MAP3K5: variants seen among roughly 807,000 people sequenced by gnomAD.
MAP3K5 encodes mitogen-activated protein kinase kinase kinase 5.
MAP3K5 carries 56 observed loss-of-function variants against 158.7 expected under a neutral mutation model. That is an observed-to-expected ratio of 0.35 (90% CI 0.28 to 0.44). MAP3K5 has a LOEUF of 0.44. Among genes scored for constraint, MAP3K5 ranks in the 20% least tolerant of loss-of-function variants. The pLI is 1.00. For synonymous variants in MAP3K5, 579 were observed against 601.7 expected (o/e 0.96, Z 0.55); for missense variants, 1,294 against 1,674.8 (o/e 0.77, Z 3.97).
At chr6:136,788,358 C>T (rs1027025116) in intron 1 of MAP3K5, among the ~76,000 whole-genome samples, 2 of 152,136 alleles carry the variant, frequency 1.3e-5, no homozygotes, top group African/African-American at 2.4e-5. Context: ...CATTCTGCAT[C>T]AGCCTTGGGA....
intron 1 of MAP3K5, among the ~76,000 whole-genome samples, chr6:136,762,220 G>A (rs1326614617): frequency 7.1e-6 from 1 of 140,578 alleles, no homozygotes. Context: ...TGGGAAGAAA[G>A]AGAAGAGAAG....
chr6:136,732,305 G>C lies in MAP3K5; in HGVS notation c.449-11716C>G, dbSNP rs1007070308. Among the ~76,000 whole-genome samples, 2 of 152,088 alleles carry C rather than the reference G, an allele frequency of 1.3e-5. 1 individual carries two copies. The highest frequency in any genetic ancestry group is 4.2e-4 in the South Asian group (2 of 4,808). ...CCAGGCACAGTGGCGGGCGCTTGTA[G>C]TCCCAGCCACTAGGGAGGCTGAGGC... On this transcript the variant is annotated intron_variant, in intron 1 of 29. Transcript: ENST00000359015.
intron 7 of MAP3K5, among the ~76,000 whole-genome samples, chr6:136,690,981 A>G (rs1780360432): frequency 1.3e-5 from 2 of 151,988 alleles, no homozygotes; most frequent in Non-Finnish European, 2.9e-5. Context: ...TTCTTGCTTG[A>G]TTGGGTTTTT....
chr6:136,702,757 A>G (rs1780906771), intron 3 of MAP3K5, among the ~76,000 whole-genome samples: 1 of 152,180 alleles, frequency 6.6e-6, no homozygotes, highest in South Asian at 2.1e-4. Flanking sequence ...GCACAGTGAC[A>G]TGATCTCGGC....
intron 18 of MAP3K5, among the ~76,000 whole-genome samples, chr6:136,610,625 G>A (rs1469444069): frequency 1.4e-5 from 2 of 145,638 alleles, no homozygotes; most frequent in African/African-American, 5.1e-5. Flanking sequence ...AATCTTGCTA[G>A]AGTTATTGTA....
chr6:136,689,653 T>C (rs1428503563), intron 7 of MAP3K5, among the ~76,000 whole-genome samples: 1 of 152,170 alleles, frequency 6.6e-6, no homozygotes, highest in African/African-American at 2.4e-5. Flanking sequence ...GGGCTCCTTT[T>C]AAAAGAACAT....
Position 136,791,969 on chromosome 6 carries a change from A to G in MAP3K5, c.189T>C (p.Pro63=). The G allele has an allele frequency of 6.2e-7, 1 of 1,608,222 alleles. No individual in the cohort carries two copies. The highest frequency in any genetic ancestry group is 8.5e-7 in the Non-Finnish European group (1 of 1,177,892). Residue 63 remains proline, a synonymous_variant, in exon 1 of 30, where the codon CCT becomes CCC. Coordinates refer to ENST00000359015, the MANE Select transcript of MAP3K5 (RefSeq NM_005923.4). The part of the protein sequence containing the change: ...SFWNVESAAA[P]GIGCPAATSS... ...AGGTGGCCGCCGGACAACCGATGCC[A>G]GGGGCAGCGGCGCTCTCCACGTTCC...
chr6:136,722,229 A>G lies in MAP3K5; in HGVS notation c.449-1640T>C, dbSNP rs147773312. Among the ~76,000 whole-genome samples, 234 of 152,376 alleles carry G rather than the reference A, an allele frequency of 1.5e-3. 1 individual carries two copies. The highest frequency in any genetic ancestry group is 3.1e-3 in the Admixed American group (47 of 15,312). ...CAAGATGCAAAACTATTATGAAAAC[A>G]AAGAGCTTCCTTTGCAATTGCAATA... On this transcript the variant is annotated intron_variant, in intron 1 of 29. Coordinates refer to ENST00000359015, the MANE Select transcript of MAP3K5 (RefSeq NM_005923.4).
chr6:136,581,287 T>G (rs1277279347), intron 24 of MAP3K5, among the ~76,000 whole-genome samples: 1 of 152,238 alleles, frequency 6.6e-6, no homozygotes, highest in Non-Finnish European at 1.5e-5. Context: ...GTAGCATGTG[T>G]CAGGATTTCT....
At chr6:136,679,693 C>CA (rs1562605702) in intron 7 of MAP3K5, among the ~76,000 whole-genome samples, 1 of 151,094 alleles carries the variant, frequency 6.6e-6, no homozygotes, top group East Asian at 1.9e-4. Context: ...ATTTTTTTTC[C>CA]AAAAAAAGAG....
intron 14 of MAP3K5, 110 bp downstream of exon 14, chr6:136,637,215 C>A: frequency 8.0e-7 from 1 of 1,243,046 alleles, no homozygotes; most frequent in South Asian, 1.4e-5. Flanking sequence ...TAAAGGAAAG[C>A]CTACAGACAG....
intron 1 of MAP3K5, among the ~76,000 whole-genome samples, chr6:136,722,235 C>G (rs1231700440): frequency 1.3e-5 from 2 of 152,148 alleles, no homozygotes; most frequent in Admixed American, 1.3e-4. Flanking sequence ...AAACAAAGAG[C>G]TTCCTTTGCA....
chr6:136,688,188 A>G (rs1780235137), intron 7 of MAP3K5, among the ~76,000 whole-genome samples: 1 of 152,180 alleles, frequency 6.6e-6, no homozygotes, highest in Admixed American at 6.5e-5. Context: ...CAAACACCGC[A>G]TGTTCTCACT....
At chr6:136,726,944 C>T (rs1253204686) in intron 1 of MAP3K5, among the ~76,000 whole-genome samples, 1 of 151,876 alleles carries the variant, frequency 6.6e-6, no homozygotes, top group Non-Finnish European at 1.5e-5. Context: ...TTGTTTTTTC[C>T]CTTCCGATTT....
intron 21 of MAP3K5, among the ~76,000 whole-genome samples, chr6:136,600,593 C>A (rs796403136): frequency 6.6e-6 from 1 of 152,088 alleles, no homozygotes. Flanking sequence ...CAAAAGCCAA[C>A]GTTAGAAAAC....
In MAP3K5 at chr6:136,623,001, G is replaced by A; in HGVS notation, c.2017-20C>T. On this transcript the variant is annotated intron_variant, in intron 14 of 29. Transcript: ENST00000359015. ...GTCATACTACAAAAGGAAAAACGGG[G>A]AGAAAAGATCAAAACATTAGTTCAT... 1 of 1,611,194 alleles carries A rather than the reference G, an allele frequency of 6.2e-7. No homozygotes were observed. Among genetic ancestry groups the A allele is most frequent in the South Asian group, 1.1e-5 (1 of 90,642 alleles).
intron 8 of MAP3K5, among the ~76,000 whole-genome samples, chr6:136,667,577 C>A (rs1305910281): frequency 2.0e-5 from 3 of 151,802 alleles, no homozygotes. Context: ...AGAGTGAGAG[C>A]CAACCTTAAA....
In MAP3K5 at chr6:136,601,775, T is replaced by C. The variant is rs750063457; in HGVS notation, c.2857+27A>G. On this transcript the variant is annotated intron_variant, in intron 20 of 29. Transcript: ENST00000359015. ...AAGCTTAGGATTGAAGGACTCAGACTATATCCTCTTCAATGCAACCACATA... is the reference window on the plus strand; with the variant it reads ...AAGCTTAGGATTGAAGGACTCAGACCATATCCTCTTCAATGCAACCACATA... The C allele has an allele frequency of 1.9e-6, 3 of 1,610,762 alleles. No individual in the cohort carries two copies. The East Asian group carries it at 6.7e-5, about 36-fold the overall frequency.
intron 1 of MAP3K5, among the ~76,000 whole-genome samples, chr6:136,767,414 G>A (rs1784010783): frequency 6.6e-6 from 1 of 151,892 alleles, no homozygotes; most frequent in Admixed American, 6.6e-5. Context: ...GAGGAAGGAA[G>A]AGAGGAGGGC....
Sources: gnomAD v4.1 joint callset for allele counts (sites outside exome capture counted in the v4.1 genomes callset) on GRCh38, gnomAD v4.1.1 for gene constraint, MANE v1.5 for transcripts, NCBI Gene and HGNC (gene_info 2026-07-23, HGNC 2026-07-21) for gene names.